The following LRBA variants were observed in gnomAD, a reference collection of about 807,000 sequenced individuals.
The protein encoded by LRBA is lipopolysaccharide-responsive and beige-like anchor protein.
Under a neutral mutation model 330.0 loss-of-function variants are expected in LRBA, and 176 were observed. The ratio of observed to expected loss-of-function variants is 0.53; its 90% confidence interval spans 0.47 to 0.60. LRBA has a LOEUF of 0.60. Ranked by LOEUF, LRBA falls within the 20% of genes least tolerant of loss-of-function variation. The pLI, the probability that LRBA is intolerant of heterozygous loss-of-function variation, is 0.00. For synonymous variants in LRBA, 1,230 were observed against 1,193.0 expected (o/e 1.03, Z -0.64); for missense variants, 3,259 against 3,444.8 (o/e 0.95, Z 1.35).
At chr4:150,297,822 G>A (rs548641668) in intron 53 of LRBA, among the ~76,000 whole-genome samples, 3 of 152,216 alleles carry the variant, frequency 2.0e-5, no homozygotes, top group East Asian at 3.9e-4. Context: ...TATTGTGCTT[G>A]CTTTTTCCTT....
intron 40 of LRBA, chr4:150,582,972 C>T (rs1771590567): frequency 2.0e-6 from 3 of 1,525,090 alleles, no homozygotes; most frequent in Admixed American, 4.2e-5. Context: ...GTGCGTGAGC[C>T]TTGGATCCCT....
intron 43 of LRBA, among the ~76,000 whole-genome samples, chr4:150,470,021 A>G (rs1201787706): frequency 6.6e-6 from 1 of 151,848 alleles, no homozygotes; most frequent in East Asian, 1.9e-4. Context: ...CGTCTCTACT[A>G]AAAATACAAA....
chr4:150,389,587 T>C (rs900700449), intron 47 of LRBA, among the ~76,000 whole-genome samples: 4 of 138,150 alleles, frequency 2.9e-5, no homozygotes, highest in African/African-American at 8.1e-5. Context: ...CACATGCTTG[T>C]AATCCCAACT....
chr4:150,471,784 A>G (rs748876234), intron 42 of LRBA, 45 bp from the exon 43 acceptor site: 2 of 857,676 alleles, frequency 2.3e-6, no homozygotes, highest in East Asian at 4.9e-5. Flanking sequence ...TTATATCACA[A>G]TAATAAATCA....
At chr4:150,901,434 T>C (rs1730714736) in intron 13 of LRBA, among the ~76,000 whole-genome samples, 1 of 152,204 alleles carries the variant, frequency 6.6e-6, no homozygotes. Flanking sequence ...CTAGAGGGTA[T>C]ATTTTATAAG....
chr4:150,380,433 A>G (rs1278334842), intron 47 of LRBA, among the ~76,000 whole-genome samples: 1 of 152,106 alleles, frequency 6.6e-6, no homozygotes, highest in Admixed American at 6.5e-5. Flanking sequence ...CCCCACCTAC[A>G]TCAGGATCAC....
chr4:150,572,218 ACTC>A (rs1009872561), intron 40 of LRBA, among the ~76,000 whole-genome samples: 2 of 152,088 alleles, frequency 1.3e-5, no homozygotes, highest in Non-Finnish European at 2.9e-5. Flanking sequence ...CGATCCTTCT[ACTC>A]CTATTTTATT....
At chr4:150,563,036 A>G (rs1247889543) in intron 40 of LRBA, among the ~76,000 whole-genome samples, 12 of 152,120 alleles carry the variant, frequency 7.9e-5, no homozygotes, top group Admixed American at 7.2e-4. Flanking sequence ...GGCTCAAGTG[A>G]TTATACCAAC....
intron 36 of LRBA, among the ~76,000 whole-genome samples, chr4:150,687,399 G>A (rs1044571911): frequency 2.0e-5 from 3 of 152,008 alleles, no homozygotes; most frequent in Admixed American, 6.6e-5. Context: ...AACATAAACG[G>A]TCAAATCTAA....
At chr4:150,732,421 G>A (rs908460851) in intron 36 of LRBA, among the ~76,000 whole-genome samples, 4 of 151,942 alleles carry the variant, frequency 2.6e-5, no homozygotes, top group Non-Finnish European at 4.4e-5. Context: ...CAATACAAAA[G>A]AACAGCATTG....
At chr4:150,817,286 A>G in intron 30 of LRBA, 29 bp from the exon 31 acceptor site, 1 of 1,603,400 alleles carries the variant, frequency 6.2e-7, no homozygotes, top group Non-Finnish European at 8.5e-7. Flanking sequence ...ACAGACTGAA[A>G]GATACAAATT....
chr4:150,500,003 C>A (rs191945326), intron 40 of LRBA, among the ~76,000 whole-genome samples: 1 of 152,106 alleles, frequency 6.6e-6, no homozygotes, highest in East Asian at 1.9e-4. Flanking sequence ...TTAAAAGATA[C>A]AAAATTACAG....
At chr4:150,307,875 A>T (rs1432658287) in intron 52 of LRBA, among the ~76,000 whole-genome samples, 1 of 152,200 alleles carries the variant, frequency 6.6e-6, no homozygotes, top group Non-Finnish European at 1.5e-5. Flanking sequence ...TTGAATGGTG[A>T]TGTTTTCTTT....
intron 42 of LRBA, among the ~76,000 whole-genome samples, chr4:150,479,397 G>T (rs774685015): frequency 6.6e-6 from 1 of 152,154 alleles, no homozygotes. Flanking sequence ...ATAATTTGTA[G>T]AAAAAGACTT....
chr4:150,624,367 CAAAATAAAAATA>C (rs1322510854), intron 37 of LRBA, among the ~76,000 whole-genome samples: 1 of 150,552 alleles, frequency 6.6e-6, no homozygotes, highest in African/African-American at 2.4e-5. Context: ...GACTCTGTCT[CAAAATAAAAATA>C]AAAATAAAAA....
intron 36 of LRBA, among the ~76,000 whole-genome samples, chr4:150,699,514 G>A (rs1369636530): frequency 1.3e-5 from 2 of 151,514 alleles, no homozygotes; most frequent in Non-Finnish European, 2.9e-5. Flanking sequence ...AGTGTAGATA[G>A]GAACCTGATG....
intron 40 of LRBA, among the ~76,000 whole-genome samples, chr4:150,551,152 C>T (rs1766535504): frequency 6.6e-6 from 1 of 152,142 alleles, no homozygotes; most frequent in Admixed American, 6.5e-5. Flanking sequence ...CTCACATGCT[C>T]ACTTGGTCTT....
chr4:150,616,335 T>C (rs1353615482), intron 37 of LRBA, among the ~76,000 whole-genome samples: 3 of 151,820 alleles, frequency 2.0e-5, no homozygotes, highest in East Asian at 1.9e-4. Flanking sequence ...AATAAAGAGA[T>C]TGAAAAGACG....
chr4:150,336,719 T>C (rs905241402), intron 48 of LRBA, among the ~76,000 whole-genome samples: 20 of 152,214 alleles, frequency 1.3e-4, no homozygotes, highest in Non-Finnish European at 5.9e-5. Context: ...ACGGAGCCCG[T>C]ACTTTTCAGG....
Sources: allele counts gnomAD v4.1 joint callset (sites outside exome capture counted in the v4.1 genomes callset), GRCh38; gene constraint gnomAD v4.1.1; transcripts MANE v1.5; gene names NCBI Gene and HGNC (gene_info 2026-07-23, HGNC 2026-07-21).